EAF2: variants seen among roughly 807,000 people sequenced by gnomAD.
The protein encoded by EAF2 is ELL-associated factor 2.
In EAF2, 29 loss-of-function variants were observed where a neutral mutation model predicts 29.4. That is an observed-to-expected ratio of 0.99 (90% CI 0.73 to 1.35). The LOEUF is 1.35. Ranked by LOEUF, EAF2 falls within the 40% of genes most tolerant of loss-of-function variation. EAF2 has a pLI of 0.00. For missense variants in EAF2, 292 were observed against 312.0 expected (o/e 0.94, Z 0.48); for synonymous variants, 103 against 102.5 (o/e 1.00, Z -0.03).
chr3:121,847,168 A>G (rs1168204084), intron 2 of EAF2, among the ~76,000 whole-genome samples: 1 of 152,236 alleles, frequency 6.6e-6, no homozygotes, highest in Non-Finnish European at 1.5e-5. Context: ...AGACACAGTC[A>G]GTGTCCTGAA....
chr3:121,837,702 G>A (rs991505897), intron 1 of EAF2: 1 of 152,170 alleles, frequency 6.6e-6, no homozygotes, highest in African/African-American at 2.4e-5. Context: ...TGTACGAGGG[G>A]TGCTAATGAA....
chr3:121,846,709 C>G lies in EAF2; in HGVS notation c.201+2162C>G, dbSNP rs562586566. Among the ~76,000 whole-genome samples, 3 of 146,278 alleles carry G rather than the reference C, an allele frequency of 2.1e-5. No homozygotes were observed. The South Asian group carries it at 6.3e-4, about 31-fold the overall frequency. On this transcript the variant is annotated intron_variant, in intron 2 of 5. Transcript: ENST00000273668. ...CAGTAATGATTGGTTTGCAGAATCACTTTAGTTGGATTTTTTTTTTTGCCA... is the reference window on the plus strand; with the variant it reads ...CAGTAATGATTGGTTTGCAGAATCAGTTTAGTTGGATTTTTTTTTTTGCCA...
intron 1 of EAF2, among the ~76,000 whole-genome samples, chr3:121,842,147 G>A (rs548541775): frequency 9.5e-4 from 144 of 152,312 alleles, no homozygotes; most frequent in African/African-American, 3.4e-3. Flanking sequence ...TCTAGCCACT[G>A]CACTCCAGCA....
intron 4 of EAF2, among the ~76,000 whole-genome samples, chr3:121,859,634 C>T (rs1475625043): frequency 1.3e-5 from 2 of 152,150 alleles, no homozygotes; most frequent in Admixed American, 6.5e-5. Context: ...AATTTGACTT[C>T]CTCTTTTCCC....
At chr3:121,873,344 A>G (rs1377370708) in intron 5 of EAF2, among the ~76,000 whole-genome samples, 1 of 151,830 alleles carries the variant, frequency 6.6e-6, no homozygotes, top group East Asian at 1.9e-4. Flanking sequence ...AAGTCTAATT[A>G]TTTTCAATGG....
intron 2 of EAF2, among the ~76,000 whole-genome samples, chr3:121,854,180 G>C (rs530723671): frequency 1.3e-5 from 2 of 151,904 alleles, no homozygotes; most frequent in African/African-American, 4.8e-5. Flanking sequence ...GCTGGGCGTG[G>C]TTGTCCATGC....
chr3:121,863,501 G>T lies in EAF2; in HGVS notation c.484+6345G>T, dbSNP rs145013875. Among the ~76,000 whole-genome samples, 896 of 152,334 alleles carry T rather than the reference G, an allele frequency of 5.9e-3. 33 individuals are homozygous for T. In the East Asian group the frequency reaches 0.11, roughly 18 times the overall value. The stretch of plus-strand genomic sequence containing the variant: ...CGTGGGCATGGGACCCTCCGAGCCA[G>T]GTGCGGGATATAATCACCTGGTGTG... On this transcript the variant is annotated intron_variant, in intron 4 of 5. Transcript: ENST00000273668.
At chr3:121,860,824 C>T (rs1190339729) in intron 4 of EAF2, among the ~76,000 whole-genome samples, 4 of 152,268 alleles carry the variant, frequency 2.6e-5, no homozygotes, top group African/African-American at 9.6e-5. Flanking sequence ...GTAAATTTCC[C>T]TCTACACACT....
intron 4 of EAF2, among the ~76,000 whole-genome samples, chr3:121,863,405 G>A (rs532255004): frequency 3.9e-5 from 6 of 152,252 alleles, no homozygotes; most frequent in Non-Finnish European, 7.4e-5. Context: ...AATGGTGGAC[G>A]CCCCTACCTC....
At chr3:121,886,279 G>A in intron 5 of EAF2, 63 bp from the exon 6 acceptor site, 1 of 1,116,146 alleles carries the variant, frequency 9.0e-7, no homozygotes, top group African/African-American at 1.6e-5. Flanking sequence ...TAAAATTTGT[G>A]TTATGCAAAA....
chr3:121,869,717 T>A (rs2689280), intron 4 of EAF2, among the ~76,000 whole-genome samples: 22,083 of 149,476 alleles, frequency 0.15, 1,994 homozygotes, highest in African/African-American at 0.25. Context: ...AAAAAAAAAA[T>A]TTTTTTTTTA....
intron 5 of EAF2, among the ~76,000 whole-genome samples, chr3:121,873,372 T>C (rs1350399741): frequency 2.0e-5 from 3 of 151,896 alleles, no homozygotes; most frequent in Admixed American, 1.3e-4. Flanking sequence ...TCTTCCTCTT[T>C]ACAGTGTAGC....
chr3:121,882,073 G>C (rs999010170), intron 5 of EAF2, among the ~76,000 whole-genome samples: 1 of 152,110 alleles, frequency 6.6e-6, no homozygotes, highest in African/African-American at 2.4e-5. Context: ...TTGAGGCTGG[G>C]CATGGTAGTT....
intron 5 of EAF2, among the ~76,000 whole-genome samples, chr3:121,880,432 T>C (rs1311657901): frequency 1.3e-5 from 2 of 149,990 alleles, no homozygotes; most frequent in Non-Finnish European, 3.0e-5. Flanking sequence ...CATGAGTCAC[T>C]GTCCTGGACC....
chr3:121,845,020 G>A (rs1389446741), intron 2 of EAF2, among the ~76,000 whole-genome samples: 2 of 152,098 alleles, frequency 1.3e-5, no homozygotes, highest in Non-Finnish European at 2.9e-5. Flanking sequence ...GCCTTTAAAG[G>A]ACAAGTAAGA....
chr3:121,855,334 A>G (rs1173892168), intron 3 of EAF2, among the ~76,000 whole-genome samples: 1 of 152,208 alleles, frequency 6.6e-6, no homozygotes, highest in Non-Finnish European at 1.5e-5. Flanking sequence ...CCTGTAATAT[A>G]AGGATGTTTG....
chr3:121,878,721 A>T (rs1372240468), intron 5 of EAF2, among the ~76,000 whole-genome samples: 1 of 152,142 alleles, frequency 6.6e-6, no homozygotes, highest in Non-Finnish European at 1.5e-5. Flanking sequence ...TACTGCTGCC[A>T]ATGACAAGAT....
chr3:121,871,470 T>A (rs1332552932), intron 4 of EAF2, among the ~76,000 whole-genome samples: 1 of 151,996 alleles, frequency 6.6e-6, no homozygotes, highest in Non-Finnish European at 1.5e-5. Context: ...CTAAAATTTA[T>A]CTAGCTGTAC....
chr3:121,837,807 A>T (rs1708332040), intron 1 of EAF2: 1 of 152,184 alleles, frequency 6.6e-6, no homozygotes, highest in South Asian at 2.1e-4. Flanking sequence ...AGGGCATGGG[A>T]TGTTCTATCA....
Sources: gnomAD v4.1 joint callset for allele counts (sites outside exome capture counted in the v4.1 genomes callset) on GRCh38, gnomAD v4.1.1 for gene constraint, MANE v1.5 for transcripts, NCBI Gene and HGNC (gene_info 2026-07-23, HGNC 2026-07-21) for gene names.